TBXAS1: variants seen among roughly 807,000 people sequenced by gnomAD.
TBXAS1 encodes the protein thromboxane-A synthase.
A neutral mutation model predicts 60.7 loss-of-function variants in TBXAS1; 48 were observed. That is an observed-to-expected ratio of 0.79 (90% CI 0.63 to 1.01). The LOEUF (loss-of-function observed/expected upper bound fraction) is 1.01. Ranked by LOEUF, TBXAS1 falls within the 50% of genes least tolerant of loss-of-function variation. The pLI, the probability that TBXAS1 is intolerant of heterozygous loss-of-function variation, is 0.00. For synonymous variants in TBXAS1, 287 were observed against 269.7 expected (o/e 1.06, Z -0.63); for missense variants, 685 against 686.3 (o/e 1.00, Z 0.02).
At chr7:139,934,989 T>C (rs1226254869) in intron 4 of TBXAS1, among the ~76,000 whole-genome samples, 3 of 152,068 alleles carry the variant, frequency 2.0e-5, no homozygotes, top group Non-Finnish European at 4.4e-5. Flanking sequence ...AATTTTTGTA[T>C]TTTTAGTAGA....
chr7:139,803,985 C>A lies in TBXAS1; in HGVS notation c.-80+16559C>A, dbSNP rs1242254876. Among the ~76,000 whole-genome samples, 4 of 152,214 alleles carry A rather than the reference C, an allele frequency of 2.6e-5. No homozygotes were observed. In the East Asian group the frequency reaches 7.7e-4, roughly 29 times the overall value. ...TGGGTTTGGAACCCCCACATGGAGT[C>A]CCCTCTAGGGCACTGCCTAGTGGAG... On this transcript the variant is annotated intron_variant, in intron 4 of 16. Coordinates refer to the TBXAS1 transcript ENST00000336425.
chr7:139,938,090 C>T (rs978358911), intron 5 of TBXAS1, among the ~76,000 whole-genome samples: 3 of 152,292 alleles, frequency 2.0e-5, no homozygotes, highest in African/African-American at 7.2e-5. Context: ...CATGGGCTTG[C>T]TATGCTAATA....
intron 4 of TBXAS1, among the ~76,000 whole-genome samples, chr7:139,821,348 G>A (rs1798289888): frequency 6.6e-6 from 1 of 152,190 alleles, no homozygotes; most frequent in African/African-American, 2.4e-5. Flanking sequence ...TGAAACTCAG[G>A]AATGACAATT....
At chr7:139,961,770 C>T (rs1324746530) in intron 8 of TBXAS1, 149 bp from the exon 9 acceptor site, 11 of 990,478 alleles carry the variant, frequency 1.1e-5, no homozygotes, top group Middle Eastern at 2.5e-4. Flanking sequence ...AGGTTCTCAC[C>T]GTCCCAGATA....
intron 10 of TBXAS1, among the ~76,000 whole-genome samples, chr7:140,009,952 C>T (rs1202780236): frequency 9.9e-6 from 1 of 101,128 alleles, no homozygotes. Context: ...GCACCTGCCC[C>T]ACACCTGCCC....
intron 9 of TBXAS1, among the ~76,000 whole-genome samples, chr7:140,006,371 A>G (rs1814077586): frequency 6.6e-6 from 1 of 152,086 alleles, no homozygotes; most frequent in Non-Finnish European, 1.5e-5. Context: ...CAGGAGAGTC[A>G]CCCGGGGGTG....
At chr7:139,988,758 C>T (rs1452552718) in intron 9 of TBXAS1, among the ~76,000 whole-genome samples, 1 of 152,192 alleles carries the variant, frequency 6.6e-6, no homozygotes, top group Non-Finnish European at 1.5e-5. Flanking sequence ...AGTGGTCCCA[C>T]CACACCTCCA....
chr7:139,905,031 C>CTTTCT (rs1569511421), intron 3 of TBXAS1, among the ~76,000 whole-genome samples: 4 of 84,900 alleles, frequency 4.7e-5, no homozygotes, highest in Middle Eastern at 5.0e-3. Flanking sequence ...TTCTTTCTTT[C>CTTTCT]TTTCTTTCTT....
At chr7:139,858,560 C>T (rs1404309970) in intron 1 of TBXAS1, among the ~76,000 whole-genome samples, 1 of 152,188 alleles carries the variant, frequency 6.6e-6, no homozygotes, top group Non-Finnish European at 1.5e-5. Flanking sequence ...GTCTGGTCCA[C>T]TAGGCTGTAA....
intron 1 of TBXAS1, among the ~76,000 whole-genome samples, chr7:139,868,901 C>A (rs755572295): frequency 5.9e-5 from 9 of 151,976 alleles, no homozygotes; most frequent in Non-Finnish European, 1.3e-4. Flanking sequence ...GATCTGCCTG[C>A]CTTGGCTCCC....
chr7:139,812,285 A>G (rs1798037873), intron 4 of TBXAS1, among the ~76,000 whole-genome samples: 1 of 152,198 alleles, frequency 6.6e-6, no homozygotes. Flanking sequence ...AAATGAGGGG[A>G]GACAATATCA....
chr7:139,941,274 C>T lies in TBXAS1; in HGVS notation c.450+4967C>T, dbSNP rs115989304. ...TTTAGAACCTTGGCAGCCTAAGTCC[C>T]TCTCTACCTGTGTCTTTAAGTATGG... On this transcript the variant is annotated intron_variant, in intron 5 of 12. Coordinates refer to ENST00000448866, the MANE Select transcript of TBXAS1 (RefSeq NM_001061.7). Among the ~76,000 whole-genome samples, 1,241 of 152,298 alleles carry T rather than the reference C, an allele frequency of 8.1e-3. 19 individuals carry two copies. The highest frequency in any genetic ancestry group is 0.028 in the African/African-American group (1,184 of 41,552).
chr7:139,941,379 G>A (rs988837281), intron 5 of TBXAS1, among the ~76,000 whole-genome samples: 10 of 151,972 alleles, frequency 6.6e-5, no homozygotes, highest in African/African-American at 2.2e-4. Context: ...GCTTGAAAAT[G>A]GCTTTAAAAT....
rs767317247 is a variant in TBXAS1 at position 140,001,671 on chromosome 7, C to T, written c.1135-5420C>T. 4.6e-5 allele frequency among the ~76,000 whole-genome samples: 7 copies of T among 152,168 alleles called. No homozygotes were observed. The South Asian group carries it at 1.4e-3, about 32-fold the overall frequency. On this transcript the variant is annotated intron_variant, in intron 9 of 12. Coordinates refer to ENST00000448866, the MANE Select transcript of TBXAS1 (RefSeq NM_001061.7). ...CCTCCCAAAGTGCTGAGATTATGGG[C>T]GTGAGCCACCGTGACTGGCCGATAA...
At chr7:139,895,236 T>C (rs975808154) in intron 3 of TBXAS1, among the ~76,000 whole-genome samples, 1 of 152,120 alleles carries the variant, frequency 6.6e-6, no homozygotes, top group Non-Finnish European at 1.5e-5. Flanking sequence ...GGAATGGAAG[T>C]TGTGGCTGGA....
At chr7:139,920,226 G>A (rs1197435292) in intron 4 of TBXAS1, among the ~76,000 whole-genome samples, 1 of 152,196 alleles carries the variant, frequency 6.6e-6, no homozygotes, top group African/African-American at 2.4e-5. Context: ...AAGACAACGA[G>A]GGGTCCCTCT....
At chr7:139,806,225 C>T (rs1293332166) in intron 4 of TBXAS1, among the ~76,000 whole-genome samples, 1 of 147,454 alleles carries the variant, frequency 6.8e-6, no homozygotes, top group South Asian at 2.2e-4. Flanking sequence ...AGGCATGAGC[C>T]ACTGTGCCTG....
intron 4 of TBXAS1, chr7:139,789,527 G>T (rs1315505594): frequency 1.3e-5 from 2 of 152,012 alleles, no homozygotes; most frequent in African/African-American, 2.4e-5. Context: ...GATTACAGGT[G>T]CAAACTATCT....
chr7:140,006,626 T>TTATTTGCTATTTCAC (rs1364737948), intron 9 of TBXAS1, among the ~76,000 whole-genome samples: 7 of 152,220 alleles, frequency 4.6e-5, no homozygotes, highest in Non-Finnish European at 1.0e-4. Context: ...GCAAACTTTT[T>TTATTTGCTATTTCAC]TATTTGCTAT....
Sources: gnomAD v4.1 joint callset for allele counts (sites outside exome capture counted in the v4.1 genomes callset) on GRCh38, gnomAD v4.1.1 for gene constraint, MANE v1.5 for transcripts, NCBI Gene and HGNC (gene_info 2026-07-23, HGNC 2026-07-21) for gene names.